Variants in TJAP1 observed in about 807,000 individuals in gnomAD.
The protein encoded by TJAP1 is tight junction-associated protein 1.
TJAP1 carries 27 observed loss-of-function variants against 42.0 expected under a neutral mutation model. The ratio of observed to expected loss-of-function variants is 0.64; its 90% CI spans 0.47 to 0.89. The LOEUF (loss-of-function observed/expected upper bound fraction) is 0.89, where lower values mean the gene tolerates loss of function less well. Ranked by LOEUF, TJAP1 falls within the 40% of genes least tolerant of loss-of-function variation. The probability of loss-of-function intolerance (pLI) is 0.00; values close to 1 mark genes in which losing one functional copy is unlikely to be tolerated. For synonymous variants in TJAP1, 257 were observed against 288.4 expected (o/e 0.89, Z 1.10); for missense variants, 712 against 726.9 (o/e 0.98, Z 0.24).
Position 43,505,205 on chromosome 6 carries a change from C to T in TJAP1, c.1024C>T (p.Pro342Ser). 1.2e-6 allele frequency: 2 copies of T among 1,614,168 alleles called. No individual in the cohort carries two copies. The highest frequency in any genetic ancestry group is 1.7e-6 in the Non-Finnish European group (2 of 1,180,016). The change falls in exon 11 of 11, where the codon CCC becomes TCC. Residue 342 changes from proline to serine, a missense_variant. Pro to Ser is a moderately conservative substitution (Grantham distance 74). Around this residue, in one of 3 missense-constraint regions of TJAP1, gnomAD observed 549 missense variants for 528.2 expected, o/e 1.04. Coordinates refer to ENST00000372449, the Ensembl canonical transcript of TJAP1. The surrounding 1 kb of genome is among the most constrained non-coding windows in gnomAD (Gnocchi z 5.5). Reference sequence around the variant, plus strand: ...GTTCTCTGAGGATAAGGTTCGGATCCCCCGCAACAGCCCCCTGCCCAACTG... The same window carrying T: ...GTTCTCTGAGGATAAGGTTCGGATCTCCCGCAACAGCCCCCTGCCCAACTG...
Position 43,498,975 on chromosome 6 carries a change from C to G in TJAP1, c.-24-3C>G. The G allele has an allele frequency of 6.2e-7, 1 of 1,611,774 alleles. No homozygotes were observed. Among genetic ancestry groups the G allele is most frequent in the South Asian group, 1.1e-5 (1 of 90,934 alleles). On this transcript the variant is annotated splice_region_variant and splice_polypyrimidine_tract_variant and intron_variant, in intron 3 of 10. Transcript: ENST00000372449. ...AGCCTGCCTCCTTCTTGCTTCTCAG[C>G]AGGCGGAGGAGCCGTCACCTCCCAG...
At chr6:43,501,921 ACACACACTCTCT>A (rs1427675090) in intron 6 of TJAP1, among the ~76,000 whole-genome samples, 4 of 113,420 alleles carry the variant, frequency 3.5e-5, no homozygotes, top group African/African-American at 1.6e-4. Flanking sequence ...ACACACACAC[ACACACACTCTCT>A]CTCTCTCTCT....
chr6:43,485,645 C>A (rs1370573509), intron 2 of TJAP1, among the ~76,000 whole-genome samples: 2 of 152,180 alleles, frequency 1.3e-5, no homozygotes, highest in Non-Finnish European at 2.9e-5. Flanking sequence ...CTGTCTCTCT[C>A]CCACTAGGAG....
intron 4 of TJAP1, among the ~76,000 whole-genome samples, chr6:43,499,914 C>G (rs2127597417): frequency 6.6e-6 from 1 of 152,314 alleles, no homozygotes; most frequent in Non-Finnish European, 1.5e-5. Context: ...ACCCAGCGAG[C>G]ATTACCTCAG....
chr6:43,501,111 G>GTT (rs1790420858), intron 5 of TJAP1: 1 of 398,124 alleles, frequency 2.5e-6, no homozygotes, highest in Non-Finnish European at 4.5e-6. Context: ...TGGAGAGGAG[G>GTT]GCAGTGCTGG....
intron 2 of TJAP1, among the ~76,000 whole-genome samples, chr6:43,481,492 CA>C (rs60527357): frequency 8.8e-5 from 12 of 136,844 alleles, no homozygotes; most frequent in Middle Eastern, 3.7e-3. Flanking sequence ...ACCCCCCCCC[CA>C]AAAAAAAACT....
chr6:43,486,268 C>T (rs1257440360), intron 2 of TJAP1, among the ~76,000 whole-genome samples: 4 of 150,090 alleles, frequency 2.7e-5, no homozygotes, highest in East Asian at 2.0e-4. Flanking sequence ...CTCGGCCAGA[C>T]GGTTTATGTT....
intron 10 of TJAP1, 117 bp from the exon 11 acceptor site, chr6:43,504,644 T>G (rs983033952): frequency 6.9e-6 from 9 of 1,298,970 alleles, no homozygotes; most frequent in Admixed American, 4.1e-5. Flanking sequence ...GAACAGGAGA[T>G]AGCAGAGTGC....
chr6:43,505,739 T>C lies in TJAP1; in HGVS notation c.1558T>C (p.Trp520Arg), dbSNP rs1792225075. 1 of 1,538,292 alleles carries C rather than the reference T, an allele frequency of 6.5e-7. No homozygotes were observed. The highest frequency in any genetic ancestry group is 8.7e-7 in the Non-Finnish European group (1 of 1,145,996). The change falls in exon 11 of 11, where the codon TGG becomes CGG. Residue 520 changes from tryptophan (W) to arginine (R), a missense_variant. Physicochemically the swap from Trp to Arg is moderately radical, Grantham distance 101. Transcript: ENST00000372449. The surrounding 1 kb of genome is among the most constrained non-coding windows in gnomAD (Gnocchi z 5.5). ...CACTTCCCACACCGAGGGCAGGGCC[T>C]GGCCACTCCCCAGCTCCAGTCGCCC...
In TJAP1 at chr6:43,502,361, G is replaced by T. The variant is rs756186906; in HGVS notation, c.357+12G>T. On this transcript the variant is annotated intron_variant, in intron 7 of 10. Transcript: ENST00000372449. The stretch of plus-strand genomic sequence containing the variant: ...AGCTGCACACACTGGTAATCTGTCT[G>T]GGAGGGCAGCTTGGTGGGCACTGTG... The T allele has an allele frequency of 3.7e-6, 6 of 1,612,988 alleles. 1 individual carries two copies. The South Asian group carries it at 6.6e-5, about 18-fold the overall frequency.
At chr6:43,503,559 C>T in intron 9 of TJAP1, 51 bp downstream of exon 9, 1 of 1,611,134 alleles carries the variant, frequency 6.2e-7, no homozygotes, top group Non-Finnish European at 8.5e-7. Context: ...TAGCTTTGTC[C>T]TGGCTCGGCC....
rs912086860 is a variant in TJAP1, at chr6:43,502,635, G to T, written c.387+18G>T. On this transcript the variant is annotated intron_variant, in intron 8 of 10. Coordinates refer to ENST00000372449, the Ensembl canonical transcript of TJAP1. ...TTTTTGCAGTTGCGTCTGAGTTTGT[G>T]TGTCTTCTCCCTTGCCCTGGCCTTC... The T allele has an allele frequency of 6.4e-7, 1 of 1,551,774 alleles. No homozygotes were observed.
At position 43,505,960 on chromosome 6, in the gene TJAP1, C is replaced by G. The variant is rs1393718541; in HGVS notation, c.*105C>G. ...CCAAGCCCTTGACCTCTCCTCTATC[C>G]AGACCCGCACAGCTGTTTCCTGTGT... is the stretch of plus-strand genomic sequence containing the variant. On this transcript the variant is annotated 3_prime_UTR_variant, in exon 11 of 11. Transcript: ENST00000372449. The surrounding 1 kb of genome is among the most constrained non-coding windows in gnomAD (Gnocchi z 5.5). The G allele has an allele frequency of 2.5e-6, 3 of 1,222,294 alleles. No individual in the cohort carries two copies. In the African/African-American group the frequency reaches 4.6e-5, roughly 19 times the overall value. 75.7% of individuals were successfully genotyped at this position (1,222,294 alleles called of 1,614,324 possible). A position where few individuals can be genotyped will look rare whatever the true frequency, so the allele number is the denominator to read the frequency against.
At chr6:43,506,222 T>C (rs1792333363) in exon 11 of TJAP1, 2 of 180,378 alleles carry the variant, frequency 1.1e-5, no homozygotes, top group Middle Eastern at 2.1e-3. Flanking sequence ...AGTTTTGTTA[T>C]TTTGTTTTTT....
chr6:43,503,904 T>TG (rs1561829561), intron 10 of TJAP1, 198 bp downstream of exon 10: 2 of 712,604 alleles, frequency 2.8e-6, no homozygotes, highest in Non-Finnish European at 5.2e-6. Flanking sequence ...TCACTAGTTC[T>TG]GGGGGGCCAG....
At chr6:43,483,514 C>T (rs1384976741) in intron 2 of TJAP1, among the ~76,000 whole-genome samples, 2 of 152,228 alleles carry the variant, frequency 1.3e-5, no homozygotes, top group Non-Finnish European at 2.9e-5. Flanking sequence ...TCTGTTTTGG[C>T]ACTTACCATG....
At position 43,505,901 on chromosome 6, in the gene TJAP1, A is replaced by G; in HGVS notation, c.*46A>G. ...CCATTGCTGCACCAGGACTGCAAGGAGTCCCCACACCTTGGCAGCTCAGGG... is the reference window on the plus strand; with the variant it reads ...CCATTGCTGCACCAGGACTGCAAGGGGTCCCCACACCTTGGCAGCTCAGGG... On this transcript the variant is annotated 3_prime_UTR_variant, in exon 11 of 11. Coordinates refer to ENST00000372449, the Ensembl canonical transcript of TJAP1. This position sits in a 1 kb window ranked among gnomAD's most constrained non-coding sequence, Gnocchi z 5.5. The G allele has an allele frequency of 7.0e-7, 1 of 1,428,790 alleles. No homozygotes were observed. The highest frequency in any genetic ancestry group is 9.1e-7 in the Non-Finnish European group (1 of 1,095,382). The allele number at this position is 1,428,790 out of a possible 1,614,324, so 88.5% of individuals were successfully genotyped here.
Position 43,504,870 on chromosome 6 carries a change from C to A in TJAP1, c.689C>A (p.Ser230Ter). The A allele has an allele frequency of 6.2e-7, 1 of 1,614,218 alleles. No homozygotes were observed. Among genetic ancestry groups the A allele is most frequent in the Non-Finnish European group, 8.5e-7 (1 of 1,180,030 alleles). ...GCCCCAGGGGCTGTGGTGCCTACCT[C>A]AGTCATTGCCCGAGTGTTAGAGAAG... Residue 230 changes from serine (S) to a stop codon, truncating the protein, a stop_gained, in exon 11 of 11, where the codon TCA (serine) becomes TAA (stop). Transcript: ENST00000372449. LOFTEE classifies it high-confidence loss of function.
At chr6:43,498,199 A>AT (rs1027086733) in intron 3 of TJAP1, among the ~76,000 whole-genome samples, 2 of 151,990 alleles carry the variant, frequency 1.3e-5, no homozygotes, top group Admixed American at 6.6e-5. Flanking sequence ...TTTGGTTATG[A>AT]TTTTTTTTAA....
Sources: allele counts gnomAD v4.1 joint callset (sites outside exome capture counted in the v4.1 genomes callset), GRCh38; gene constraint gnomAD v4.1.1; regional missense constraint gnomAD v4.1.1; non-coding constraint Gnocchi (gnomAD v3.1); transcripts MANE v1.5; gene names NCBI Gene and HGNC (gene_info 2026-07-23, HGNC 2026-07-21).